The following INTS6 variants were observed in gnomAD, a reference collection of about 807,000 sequenced individuals.
INTS6 encodes the protein integrator complex subunit 6.
In INTS6, 16 loss-of-function variants were observed where a neutral mutation model predicts 104.9. The ratio of observed to expected loss-of-function variants is 0.15; its 90% CI spans 0.10 to 0.23. The LOEUF (loss-of-function observed/expected upper bound fraction) is 0.23. Among genes scored for constraint, INTS6 ranks in the 10% least tolerant of loss-of-function variants. The pLI, the probability that INTS6 is intolerant of heterozygous loss-of-function variation, is 1.00. For missense variants in INTS6, 584 were observed against 1,062.8 expected (o/e 0.55, Z 6.26); for synonymous variants, 324 against 358.7 (o/e 0.90, Z 1.09).
At chr13:51,425,005 A>G (rs777061234) in intron 4 of INTS6, among the ~76,000 whole-genome samples, 5 of 152,060 alleles carry the variant, frequency 3.3e-5, no homozygotes, top group Non-Finnish European at 5.9e-5. Flanking sequence ...TAGTGATTTT[A>G]GTGAATAAAA....
At chr13:51,382,779 A>T (rs1255727230) in intron 9 of INTS6, among the ~76,000 whole-genome samples, 4 of 152,224 alleles carry the variant, frequency 2.6e-5, no homozygotes, top group Non-Finnish European at 1.5e-5. Flanking sequence ...TAAAAAATTT[A>T]AAATGTAATA....
chr13:51,452,746 G>C lies in INTS6; in HGVS notation c.-221C>G. On this transcript the variant is annotated 5_prime_UTR_variant, in exon 1 of 18. Coordinates refer to ENST00000311234, the MANE Select transcript of INTS6 (RefSeq NM_012141.3). The surrounding 1 kb of genome is among the most constrained non-coding windows in gnomAD (Gnocchi z 4.2). ...TGCTCCCCGTCGTACCCCCGCCTCC[G>C]CCTCCTCCTGCCTGCCTGCCCGCTG... The C allele has an allele frequency of 4.1e-6, 5 of 1,229,690 alleles. No homozygotes were observed. The highest frequency in any genetic ancestry group is 3.3e-4 in the Middle Eastern group (1 of 3,038). 76.2% of individuals were successfully genotyped at this position (1,229,690 alleles called of 1,614,324 possible).
At chr13:51,425,135 T>C (rs1395958180) in intron 4 of INTS6, among the ~76,000 whole-genome samples, 1 of 152,024 alleles carries the variant, frequency 6.6e-6, no homozygotes, top group Non-Finnish European at 1.5e-5. Flanking sequence ...CACATCATAA[T>C]TATAATCTTC....
chr13:51,426,876 G>T (rs1956993991), intron 4 of INTS6, among the ~76,000 whole-genome samples: 1 of 152,030 alleles, frequency 6.6e-6, no homozygotes, highest in Admixed American at 6.6e-5. Context: ...AGAAAGCACT[G>T]GTCTGGAGGT....
At chr13:51,385,625 A>C (rs1318132286) in intron 7 of INTS6, among the ~76,000 whole-genome samples, 1 of 152,224 alleles carries the variant, frequency 6.6e-6, no homozygotes, top group Non-Finnish European at 1.5e-5. Context: ...AAAGGTACTA[A>C]TTAATAACTA....
At chr13:51,429,785 A>AAAAAAAAAATATATATATAT (rs1156333077) in intron 4 of INTS6, among the ~76,000 whole-genome samples, 3 of 92,356 alleles carry the variant, frequency 3.2e-5, no homozygotes, top group Non-Finnish European at 5.9e-5. Context: ...AAAAAAAAAA[A>AAAAAAAAAATATATATATAT]ATATATATAT....
chr13:51,450,407 T>G, intron 3 of INTS6: 1 of 985,316 alleles, frequency 1.0e-6, no homozygotes. Flanking sequence ...TTTCATATTT[T>G]CCAGCAGTCT....
At position 51,400,264 on chromosome 13, in the gene INTS6, A is replaced by C. The variant is rs115539084; in HGVS notation, c.430-4781T>G. On this transcript the variant is annotated intron_variant, in intron 4 of 17. Coordinates refer to ENST00000311234, the MANE Select transcript of INTS6 (RefSeq NM_012141.3). ...AGGTTGGGGACAGCTGCTTTATTGG[A>C]TACATTATAGTATTGCAAATATCTT... Among the ~76,000 whole-genome samples, 1,336 of 152,316 alleles carry C rather than the reference A, an allele frequency of 8.8e-3. 20 individuals are homozygous for C. Among genetic ancestry groups the C allele is most frequent in the African/African-American group, 0.03 (1,237 of 41,566 alleles).
chr13:51,378,717 C>T (rs930453697), intron 11 of INTS6, among the ~76,000 whole-genome samples: 2 of 151,710 alleles, frequency 1.3e-5, no homozygotes, highest in Non-Finnish European at 2.9e-5. Flanking sequence ...TTATTAATAC[C>T]CACTATACCT....
the INTS6 span, among the ~76,000 whole-genome samples, chr13:51,343,275 G>C: frequency 6.6e-6 from 1 of 152,138 alleles, no homozygotes; most frequent in Non-Finnish European, 1.5e-5. Flanking sequence ...TGCCTAAAAG[G>C]GAGTAGAAGC....
chr13:51,387,579 TA>T, intron 6 of INTS6, 39 bp from the exon 7 acceptor site: 1 of 1,460,656 alleles, frequency 6.8e-7, no homozygotes, highest in South Asian at 1.4e-5. Flanking sequence ...GCATATATCA[TA>T]AGGGGGGATA....
rs941634778 is a variant in INTS6, at chr13:51,389,402, C to G, written c.656G>C (p.Cys219Ser). Residue 219 changes from cysteine to serine, a missense_variant, in exon 6 of 18, where the codon TGT becomes TCT. Coordinates refer to ENST00000311234, the MANE Select transcript of INTS6 (RefSeq NM_012141.3). Reference protein sequence around the residue: ...SVCSPRMLNQCLESLVQKVQS... With the variant: ...SVCSPRMLNQSLESLVQKVQS... ...TACTTTCTGCACCAAGGACTCCAGA[C>G]ACTGATTAAGCATTCTTGGAGAACA... is the stretch of plus-strand genomic sequence containing the variant. The G allele has an allele frequency of 1.9e-6, 3 of 1,613,158 alleles. No individual in the cohort carries two copies. The highest frequency in any genetic ancestry group is 2.5e-6 in the Non-Finnish European group (3 of 1,179,600).
In INTS6 at chr13:51,452,221, C is replaced by G. The variant is rs1953075521; in HGVS notation, c.112-166G>C. Reference sequence around the variant, plus strand: ...ACACAGATCGCTCCCCACACACCGCCCGGGGCCGGAGCCCGGGCCCCGGCC... The same window carrying G: ...ACACAGATCGCTCCCCACACACCGCGCGGGGCCGGAGCCCGGGCCCCGGCC... On this transcript the variant is annotated intron_variant, in intron 1 of 17. Transcript: ENST00000311234. The surrounding 1 kb of genome is among the most constrained non-coding windows in gnomAD (Gnocchi z 4.2). 1 of 657,094 alleles carries G rather than the reference C, an allele frequency of 1.5e-6. No individual in the cohort carries two copies. The highest frequency in any genetic ancestry group is 2.1e-6 in the Non-Finnish European group (1 of 467,474). The allele number at this position is 657,094 out of a possible 1,614,324, so 40.7% of individuals were successfully genotyped here. A position where few individuals can be genotyped will look rare whatever the true frequency, so the allele number is the denominator to read the frequency against.
chr13:51,395,900 C>A (rs1956327907), intron 4 of INTS6, among the ~76,000 whole-genome samples: 1 of 152,130 alleles, frequency 6.6e-6, no homozygotes, highest in Non-Finnish European at 1.5e-5. Context: ...TGGGTTCAAG[C>A]AATTCTCCTG....
chr13:51,451,348 T>TA (rs1168205444), intron 2 of INTS6, 174 bp from the exon 3 acceptor site: 1 of 420,302 alleles, frequency 2.4e-6, no homozygotes, highest in East Asian at 3.6e-5. Context: ...GGCCCAGGAA[T>TA]AACCCAGCTT....
intron 4 of INTS6, among the ~76,000 whole-genome samples, chr13:51,404,128 C>T (rs1555287386): frequency 7.2e-6 from 1 of 139,834 alleles, no homozygotes; most frequent in Non-Finnish European, 1.5e-5. Flanking sequence ...AGAGAGACAA[C>T]CCAGGCGTGG....
intron 7 of INTS6, chr13:51,385,090 G>A (rs959699104): frequency 1.1e-4 from 17 of 155,518 alleles, no homozygotes; most frequent in African/African-American, 3.1e-4. Context: ...CCACCACCAC[G>A]CCATACAGAC....
chr13:51,391,349 CAATCTT>C (rs1956243731), intron 5 of INTS6, among the ~76,000 whole-genome samples: 1 of 151,946 alleles, frequency 6.6e-6, no homozygotes, highest in Non-Finnish European at 1.5e-5. Context: ...ATAAGCAAAT[CAATCTT>C]AACACGAAAT....
the INTS6 span, among the ~76,000 whole-genome samples, chr13:51,342,246 A>C: frequency 2.0e-5 from 3 of 151,814 alleles, no homozygotes; most frequent in African/African-American, 7.3e-5. Context: ...AGTGGAATGA[A>C]GCTGTCCTAG....
Sources: gnomAD v4.1 joint callset for allele counts (sites outside exome capture counted in the v4.1 genomes callset) on GRCh38, gnomAD v4.1.1 for gene constraint, Gnocchi (gnomAD v3.1) non-coding constraint, MANE v1.5 for transcripts, NCBI Gene and HGNC (gene_info 2026-07-23, HGNC 2026-07-21) for gene names.